Variants in C10orf67 observed in about 807,000 individuals in gnomAD.
The protein encoded by C10orf67 is uncharacterized protein C10orf67, mitochondrial.
Under a neutral mutation model 35.6 loss-of-function variants are expected in C10orf67, and 60 were observed. That is an observed-to-expected ratio of 1.68 (90% CI 1.37 to 2.09). The LOEUF (loss-of-function observed/expected upper bound fraction) is 2.09, where lower values mean the gene tolerates loss of function less well. Ranked by LOEUF, C10orf67 falls within the 30% of genes most tolerant of loss-of-function variation. The pLI is 0.00. For missense variants in C10orf67, 474 were observed against 330.2 expected (o/e 1.44, Z -3.38); for synonymous variants, 167 against 115.8 (o/e 1.44, Z -2.84).
rs142639320 is a variant in C10orf67, at chr10:23,204,076, T to C, written c.*97A>G. On this transcript the variant is annotated 3_prime_UTR_variant, in exon 16 of 16. Coordinates refer to ENST00000636213, the MANE Select transcript of C10orf67 (RefSeq NM_001371909.1). ...ATTAAACAATTAGTTTAGAAAATCC[T>C]TGGAGATAGTATCCTTTCCGAGGGA... The C allele has an allele frequency of 1.2e-4, 55 of 443,602 alleles. No homozygotes were observed. The highest frequency in any genetic ancestry group is 2.0e-4 in the Non-Finnish European group (49 of 242,474). The allele number at this position is 443,602 out of a possible 1,614,324, so 27.5% of individuals were successfully genotyped here.
At chr10:23,305,678 A>T (rs1844249043) in intron 4 of C10orf67, among the ~76,000 whole-genome samples, 1 of 152,148 alleles carries the variant, frequency 6.6e-6, no homozygotes, top group African/African-American at 2.4e-5. Context: ...AAGAGATAAC[A>T]AGTATTGGCA....
intron 10 of C10orf67, among the ~76,000 whole-genome samples, chr10:23,253,627 T>C (rs1842521712): frequency 1.3e-5 from 2 of 152,218 alleles, no homozygotes; most frequent in South Asian, 4.1e-4. Flanking sequence ...CTTATTTCAC[T>C]ATATCCAAAG....
intron 10 of C10orf67, among the ~76,000 whole-genome samples, chr10:23,254,352 T>TTA: frequency 6.6e-6 from 1 of 152,084 alleles, no homozygotes; most frequent in East Asian, 1.9e-4. Context: ...GGATTACAGG[T>TTA]GCCTGCCACC....
At position 23,254,561 on chromosome 10, in the gene C10orf67, A is replaced by G. The variant is rs145353589; in HGVS notation, c.1201-3870T>C. Among the ~76,000 whole-genome samples the G allele has an allele frequency of 2.0e-3, 306 of 152,304 alleles. 2 individuals are homozygous for G. Among genetic ancestry groups the G allele is most frequent in the African/African-American group, 7.1e-3 (296 of 41,584 alleles). On this transcript the variant is annotated intron_variant, in intron 10 of 15. Transcript: ENST00000636213. ...ATTTCTCATTCTCTTTTGAATTTGT[A>G]TATACATTTATAATTAAAAATTCAC... is the stretch of plus-strand genomic sequence containing the variant.
intron 1 of C10orf67, among the ~76,000 whole-genome samples, chr10:23,342,515 TTCAGCCAAAGA>T: frequency 6.6e-6 from 1 of 152,132 alleles, no homozygotes; most frequent in African/African-American, 2.4e-5. Flanking sequence ...GGTTCTTTTG[TTCAGCCAAAGA>T]GCACCCGGCA....
intron 4 of C10orf67, among the ~76,000 whole-genome samples, chr10:23,304,942 A>C (rs943781043): frequency 1.3e-5 from 2 of 152,140 alleles, no homozygotes; most frequent in Non-Finnish European, 2.9e-5. Context: ...AGGCCCACTA[A>C]CATGGTCCCC....
intron 12 of C10orf67, among the ~76,000 whole-genome samples, chr10:23,245,592 A>G (rs1165649630): frequency 1.3e-5 from 2 of 152,256 alleles, no homozygotes; most frequent in African/African-American, 4.8e-5. Flanking sequence ...ATGGCCAAGT[A>G]TATGAAAAAT....
intron 13 of C10orf67, among the ~76,000 whole-genome samples, chr10:23,233,218 G>T (rs939873575): frequency 1.1e-4 from 16 of 152,254 alleles, no homozygotes; most frequent in African/African-American, 3.6e-4. Flanking sequence ...CACTATCAGA[G>T]AGGCTCATTT....
intron 10 of C10orf67, among the ~76,000 whole-genome samples, chr10:23,256,348 TA>T (rs1821781869): frequency 6.6e-6 from 1 of 152,054 alleles, no homozygotes; most frequent in African/African-American, 2.4e-5. Context: ...GGCTCCCGCT[TA>T]GGAAGCAAAA....
chr10:23,245,515 A>G (rs1257046929), intron 12 of C10orf67, among the ~76,000 whole-genome samples: 1 of 152,250 alleles, frequency 6.6e-6, no homozygotes, highest in Non-Finnish European at 1.5e-5. Flanking sequence ...CTTAACAGCA[A>G]GAGAACAACC....
At chr10:23,310,381 C>A (rs1289188406) in intron 4 of C10orf67, among the ~76,000 whole-genome samples, 1 of 152,190 alleles carries the variant, frequency 6.6e-6, no homozygotes, top group African/African-American at 2.4e-5. Flanking sequence ...GCCTCTCTTT[C>A]TTTTATTTCT....
intron 13 of C10orf67, among the ~76,000 whole-genome samples, chr10:23,224,808 C>T (rs919766783): frequency 2.6e-5 from 4 of 151,490 alleles, no homozygotes; most frequent in Non-Finnish European, 3.0e-5. Context: ...TGAAATGAAG[C>T]GAGAAGTTTA....
intron 15 of C10orf67, among the ~76,000 whole-genome samples, chr10:23,209,812 C>T (rs1206876228): frequency 6.6e-6 from 1 of 151,766 alleles, no homozygotes; most frequent in East Asian, 1.9e-4. Context: ...CCAGCCTGGG[C>T]AACATGGCAA....
intron 13 of C10orf67, among the ~76,000 whole-genome samples, chr10:23,228,949 G>A (rs184237673): frequency 4.6e-5 from 7 of 152,252 alleles, no homozygotes; most frequent in Admixed American, 2.6e-4. Flanking sequence ...TGCTGGAGAC[G>A]ATGAGGTGAT....
At chr10:23,331,230 G>C (rs865992349) in intron 2 of C10orf67, among the ~76,000 whole-genome samples, 4 of 18,924 alleles carry the variant, frequency 2.1e-4, no homozygotes, top group South Asian at 3.4e-3. Context: ...GGGAAGGGAG[G>C]AGGGAAGGGA....
chr10:23,297,464 T>C (rs897377849), intron 5 of C10orf67, among the ~76,000 whole-genome samples: 2 of 152,172 alleles, frequency 1.3e-5, no homozygotes, highest in Admixed American at 1.3e-4. Flanking sequence ...CCTTTTTCCT[T>C]CTCTTAATTC....
At chr10:23,292,263 T>C (rs1173878718) in intron 5 of C10orf67, among the ~76,000 whole-genome samples, 4 of 142,928 alleles carry the variant, frequency 2.8e-5, no homozygotes, top group Non-Finnish European at 4.5e-5. Flanking sequence ...TTGCCATGCA[T>C]TAAAAAAAAA....
intron 15 of C10orf67, among the ~76,000 whole-genome samples, chr10:23,217,358 T>C (rs1841458993): frequency 6.6e-6 from 1 of 152,232 alleles, no homozygotes; most frequent in Non-Finnish European, 1.5e-5. Context: ...AAGGATGTCA[T>C]GTCAAACTCA....
chr10:23,216,539 A>G (rs1256349717), intron 15 of C10orf67, among the ~76,000 whole-genome samples: 1 of 152,190 alleles, frequency 6.6e-6, no homozygotes. Flanking sequence ...AATAGCAGCT[A>G]TTTATGAATC....
Sources: gnomAD v4.1 joint callset for allele counts (sites outside exome capture counted in the v4.1 genomes callset) on GRCh38, gnomAD v4.1.1 for gene constraint, MANE v1.5 for transcripts, NCBI Gene and HGNC (gene_info 2026-07-23, HGNC 2026-07-21) for gene names.